Variants in AFF3 observed in about 807,000 individuals in gnomAD.
The protein encoded by AFF3 is ALF transcription elongation factor 3, also known as AF4/FMR2 family member 3.
In AFF3, 32 loss-of-function variants were observed where a neutral mutation model predicts 129.7. The ratio of observed to expected loss-of-function variants is 0.25; its 90% CI spans 0.19 to 0.33. The LOEUF is 0.33. AFF3 is among the 10% of genes least tolerant of loss of function. The pLI, the probability that AFF3 is intolerant of heterozygous loss-of-function variation, is 1.00. For synonymous variants in AFF3, 644 were observed against 635.4 expected, an observed-to-expected ratio of 1.01 and a Z score of -0.20; for missense variants, 1,373 against 1,592.0, an observed-to-expected ratio of 0.86 and a Z score of 2.34.
At chr2:100,125,081 C>A (rs904401739) in intron 2 of AFF3, among the ~76,000 whole-genome samples, 1 of 151,922 alleles carries the variant, frequency 6.6e-6, no homozygotes, top group Non-Finnish European at 1.5e-5. Flanking sequence ...GGGGATAGAA[C>A]GTGGAGAAGA....
intron 7 of AFF3, among the ~76,000 whole-genome samples, chr2:99,882,310 A>C (rs1692785358): frequency 6.6e-6 from 1 of 152,204 alleles, no homozygotes; most frequent in African/African-American, 2.4e-5. Context: ...CTGCCGAATA[A>C]ATTATCGTTA....
chr2:99,957,204 C>T (rs1029741974), intron 7 of AFF3, among the ~76,000 whole-genome samples: 7 of 151,816 alleles, frequency 4.6e-5, no homozygotes, highest in South Asian at 4.2e-4. Flanking sequence ...TGCGCGCGCG[C>T]GCATTTTTAG....
chr2:99,770,842 T>C (rs911546422), intron 8 of AFF3, among the ~76,000 whole-genome samples: 6 of 152,164 alleles, frequency 3.9e-5, no homozygotes, highest in Non-Finnish European at 8.8e-5. Context: ...CCTCTGTGGC[T>C]GAGCTGATAA....
At chr2:100,105,784 T>TGGCCACAGCTCC in intron 2 of AFF3, 1 of 1,356,926 alleles carries the variant, frequency 7.4e-7, no homozygotes, top group Non-Finnish European at 9.8e-7. Flanking sequence ...CCTGACCTCT[T>TGGCCACAGCTCC]GGCCACAGCT....
At chr2:99,998,819 G>C (rs922636485) in intron 7 of AFF3, among the ~76,000 whole-genome samples, 3 of 152,190 alleles carry the variant, frequency 2.0e-5, no homozygotes, top group South Asian at 2.1e-4. Context: ...ATGGCATGCA[G>C]AGAAAAAGGC....
intron 12 of AFF3, among the ~76,000 whole-genome samples, chr2:99,670,913 A>G (rs1687092737): frequency 6.6e-6 from 1 of 152,220 alleles, no homozygotes; most frequent in Non-Finnish European, 1.5e-5. Context: ...ATTATCAATG[A>G]GTACAGAATG....
chr2:99,780,553 T>G (rs888534777), intron 8 of AFF3, among the ~76,000 whole-genome samples: 3 of 152,224 alleles, frequency 2.0e-5, no homozygotes, highest in Admixed American at 6.5e-5. Context: ...GCCAAACTTG[T>G]GCATCTAACT....
At chr2:99,764,409 A>G (rs540420969) in intron 8 of AFF3, among the ~76,000 whole-genome samples, 1 of 151,886 alleles carries the variant, frequency 6.6e-6, no homozygotes, top group South Asian at 2.1e-4. Context: ...CTTTCTGGAG[A>G]ATTCTTGTTC....
chr2:99,921,556 G>A (rs749009294), intron 7 of AFF3, among the ~76,000 whole-genome samples: 74 of 152,186 alleles, frequency 4.9e-4, no homozygotes, highest in Non-Finnish European at 8.8e-4. Flanking sequence ...AACATCAAGC[G>A]TAGCTGAAGG....
intron 4 of AFF3, among the ~76,000 whole-genome samples, chr2:100,022,461 A>G (rs151261744): frequency 6.6e-6 from 1 of 151,720 alleles, no homozygotes; most frequent in East Asian, 1.9e-4. Flanking sequence ...CCCCGGCTGG[A>G]GTGCAGTGGT....
intron 7 of AFF3, among the ~76,000 whole-genome samples, chr2:99,881,406 CAAAA>C (rs11367144): frequency 3.3e-5 from 4 of 122,954 alleles, no homozygotes; most frequent in Non-Finnish European, 3.6e-5. Flanking sequence ...AGCATCTTTT[CAAAA>C]AAAAAAAAAA....
At chr2:99,929,290 G>A (rs1397225331) in intron 7 of AFF3, among the ~76,000 whole-genome samples, 1 of 152,066 alleles carries the variant, frequency 6.6e-6, no homozygotes, top group Non-Finnish European at 1.5e-5. Context: ...CTGCACCATT[G>A]CACTCCAGCC....
intron 2 of AFF3, among the ~76,000 whole-genome samples, chr2:100,121,484 A>G (rs545088421): frequency 1.4e-4 from 22 of 152,340 alleles, no homozygotes; most frequent in Non-Finnish European, 2.8e-4. Context: ...TCAATAAACT[A>G]GCTCTGTACA....
intron 9 of AFF3, among the ~76,000 whole-genome samples, chr2:99,746,616 T>G (rs932227294): frequency 6.6e-6 from 1 of 152,242 alleles, no homozygotes; most frequent in South Asian, 2.1e-4. Flanking sequence ...AATGATTATA[T>G]GAAGATGAAA....
chr2:99,796,607 G>A (rs1015661322), intron 8 of AFF3, among the ~76,000 whole-genome samples: 1 of 152,168 alleles, frequency 6.6e-6, no homozygotes, highest in Non-Finnish European at 1.5e-5. Flanking sequence ...AGAGTCTGGG[G>A]AGAACAAGTT....
intron 11 of AFF3, among the ~76,000 whole-genome samples, chr2:99,719,568 C>G (rs899334423): frequency 2.6e-5 from 4 of 152,050 alleles, no homozygotes; most frequent in Admixed American, 1.3e-4. Flanking sequence ...ATAAATATAT[C>G]TTAAAGTTTT....
chr2:100,025,284 A>C (rs1683944591), intron 4 of AFF3, among the ~76,000 whole-genome samples: 1 of 152,144 alleles, frequency 6.6e-6, no homozygotes, highest in Admixed American at 6.5e-5. Flanking sequence ...TCAGGAACTC[A>C]ACCTCTTTTA....
At chr2:99,640,383 G>A (rs1488890223) in intron 13 of AFF3, among the ~76,000 whole-genome samples, 1 of 151,998 alleles carries the variant, frequency 6.6e-6, no homozygotes, top group South Asian at 2.1e-4. Context: ...CTATCATATG[G>A]AGGGAGAAAG....
intron 8 of AFF3, among the ~76,000 whole-genome samples, chr2:99,776,026 AG>A (rs1481770342): frequency 6.6e-6 from 1 of 152,226 alleles, no homozygotes; most frequent in Non-Finnish European, 1.5e-5. Flanking sequence ...AAGCTTCTAC[AG>A]TAGAACGATA....
Sources: allele counts gnomAD v4.1 joint callset (sites outside exome capture counted in the v4.1 genomes callset), GRCh38; gene constraint gnomAD v4.1.1; transcripts MANE v1.5; gene names NCBI Gene and HGNC (gene_info 2026-07-23, HGNC 2026-07-21).